TMEM163: variants seen among roughly 807,000 people sequenced by gnomAD.
The protein encoded by TMEM163 is transmembrane protein 163.
A neutral mutation model predicts 29.3 loss-of-function variants in TMEM163; 17 were observed. The observed-to-expected ratio is 0.58, with a 90% confidence interval of 0.40 to 0.87. The LOEUF (loss-of-function observed/expected upper bound fraction) is 0.87, where lower values mean the gene tolerates loss of function less well. Ranked by LOEUF, TMEM163 falls within the 40% of genes least tolerant of loss-of-function variation. The probability of loss-of-function intolerance (pLI) is 0.00; values close to 1 mark genes in which losing one functional copy is unlikely to be tolerated. For missense variants in TMEM163, 303 were observed against 381.5 expected, an observed-to-expected ratio of 0.79 and a Z score of 1.71; for synonymous variants, 157 against 160.6, an observed-to-expected ratio of 0.98 and a Z score of 0.17.
intron 4 of TMEM163, among the ~76,000 whole-genome samples, chr2:134,512,648 C>T (rs1213469227): frequency 6.6e-6 from 1 of 152,134 alleles, no homozygotes; most frequent in Non-Finnish European, 1.5e-5. Context: ...TGGGGGCAAG[C>T]CATGCAGGTA....
chr2:134,628,352 T>G (rs1682896047), intron 2 of TMEM163, among the ~76,000 whole-genome samples: 2 of 152,242 alleles, frequency 1.3e-5, no homozygotes, highest in Admixed American at 1.3e-4. Flanking sequence ...AGGCCTCCTT[T>G]CAAGGCTGGC....
intron 5 of TMEM163, among the ~76,000 whole-genome samples, chr2:134,486,343 T>C (rs997758161): frequency 6.6e-6 from 1 of 151,988 alleles, no homozygotes; most frequent in Non-Finnish European, 1.5e-5. Context: ...AGAGCTTAGA[T>C]CTAGAAAGCA....
chr2:134,564,133 A>G (rs1288426211), intron 2 of TMEM163, among the ~76,000 whole-genome samples: 1 of 152,248 alleles, frequency 6.6e-6, no homozygotes, highest in African/African-American at 2.4e-5. Flanking sequence ...CCTGGAAGAC[A>G]GTCACTACCA....
chr2:134,559,402 C>A (rs1343379242), intron 2 of TMEM163, among the ~76,000 whole-genome samples: 1 of 152,232 alleles, frequency 6.6e-6, no homozygotes, highest in Non-Finnish European at 1.5e-5. Flanking sequence ...ACTGGAAGGT[C>A]TGGCTCTCAG....
At chr2:134,683,644 T>C (rs988117059) in intron 2 of TMEM163, among the ~76,000 whole-genome samples, 1 of 152,230 alleles carries the variant, frequency 6.6e-6, no homozygotes, top group Non-Finnish European at 1.5e-5. Flanking sequence ...CTGGGCATGC[T>C]GAATGACAGG....
intron 5 of TMEM163, among the ~76,000 whole-genome samples, chr2:134,489,558 A>T (rs1679384027): frequency 6.6e-6 from 1 of 151,116 alleles, no homozygotes. Context: ...GCCTGGCAAC[A>T]GAGCAAGACT....
intron 2 of TMEM163, among the ~76,000 whole-genome samples, chr2:134,610,164 T>A (rs1477618913): frequency 6.6e-6 from 1 of 152,146 alleles, no homozygotes; most frequent in African/African-American, 2.4e-5. Context: ...GAGATGGCCG[T>A]AAACACTGGT....
At chr2:134,466,908 C>G (rs1281855339) in intron 5 of TMEM163, 1 of 152,232 alleles carries the variant, frequency 6.6e-6, no homozygotes, top group Non-Finnish European at 1.5e-5. Flanking sequence ...CCATCCAGCT[C>G]TTCTGCTTCA....
At chr2:134,481,762 G>A (rs561276203) in intron 5 of TMEM163, among the ~76,000 whole-genome samples, 1 of 152,022 alleles carries the variant, frequency 6.6e-6, no homozygotes, top group African/African-American at 2.4e-5. Flanking sequence ...CTCCCTTCAT[G>A]ACATCTACAC....
In TMEM163 at chr2:134,576,481, A is replaced by C. The variant is rs1269588268; in HGVS notation, c.323-24390T>G. On this transcript the variant is annotated intron_variant, in intron 2 of 7. Transcript: ENST00000281924. ...CCTAACATAAAAGGGCCACCCATTA[A>C]GTGGCAATAAGAATTTTAACCTTGA... Among the ~76,000 whole-genome samples the C allele has an allele frequency of 1.3e-5, 2 of 152,230 alleles. 1 individual carries two copies. The highest frequency in any genetic ancestry group is 3.8e-4 in the East Asian group (2 of 5,204).
chr2:134,565,519 T>C (rs774044517), intron 2 of TMEM163, among the ~76,000 whole-genome samples: 1 of 151,202 alleles, frequency 6.6e-6, no homozygotes, highest in Non-Finnish European at 1.5e-5. Context: ...GGCAGGAGAA[T>C]CACTTCAACC....
In TMEM163 at chr2:134,460,910, G is replaced by A. The variant is rs1686520157; in HGVS notation, c.668-2737C>T. Among the ~76,000 whole-genome samples the A allele has an allele frequency of 6.6e-6, 1 of 152,230 alleles. No homozygotes were observed. The highest frequency in any genetic ancestry group is 2.4e-5 in the African/African-American group (1 of 41,466). ...GCTCGGCTCACCTTTTGTGATGACA[G>A]AGCCTGACTCATTTCAGCTTCACTT... is the stretch of plus-strand genomic sequence containing the variant. On this transcript the variant is annotated intron_variant, in intron 6 of 7. Transcript: ENST00000281924. The surrounding 1 kb of genome is among the most constrained non-coding windows in gnomAD (Gnocchi z 4.3).
chr2:134,707,828 C>A (rs987471032), intron 2 of TMEM163, among the ~76,000 whole-genome samples: 1 of 150,824 alleles, frequency 6.6e-6, no homozygotes, highest in Non-Finnish European at 1.5e-5. Flanking sequence ...AGGACATGGG[C>A]TCCAGTCCTG....
intron 5 of TMEM163, among the ~76,000 whole-genome samples, chr2:134,470,698 CAG>C (rs1190023827): frequency 6.6e-6 from 1 of 152,184 alleles, no homozygotes; most frequent in African/African-American, 2.4e-5. Flanking sequence ...CAGGCTGGCA[CAG>C]ACCTGCCAAA....
chr2:134,659,849 G>A (rs1683709006), intron 2 of TMEM163, among the ~76,000 whole-genome samples: 1 of 151,892 alleles, frequency 6.6e-6, no homozygotes, highest in African/African-American at 2.4e-5. Context: ...AAGAGGGAGG[G>A]TCCCTTGAGC....
chr2:134,612,542 AACACACAC>A (rs3039625), intron 2 of TMEM163, among the ~76,000 whole-genome samples: 96 of 140,656 alleles, frequency 6.8e-4, no homozygotes, highest in African/African-American at 2.4e-3. Flanking sequence ...GGTTTGCCCC[AACACACAC>A]ACACACACAC....
At chr2:134,645,124 A>G (rs1264777780) in intron 2 of TMEM163, among the ~76,000 whole-genome samples, 1 of 152,230 alleles carries the variant, frequency 6.6e-6, no homozygotes, top group Non-Finnish European at 1.5e-5. Context: ...AAATGCTTAC[A>G]AGAATATAGA....
intron 2 of TMEM163, among the ~76,000 whole-genome samples, chr2:134,630,386 C>T (rs890405034): frequency 1.3e-5 from 2 of 151,898 alleles, no homozygotes; most frequent in Non-Finnish European, 2.9e-5. Flanking sequence ...AAATAATACT[C>T]CTTTTATTTC....
intron 5 of TMEM163, among the ~76,000 whole-genome samples, chr2:134,497,019 T>C (rs1679580901): frequency 6.6e-6 from 1 of 152,158 alleles, no homozygotes; most frequent in African/African-American, 2.4e-5. Context: ...CCTTCAGATG[T>C]CGCATGGAGT....
Sources: allele counts gnomAD v4.1 joint callset (sites outside exome capture counted in the v4.1 genomes callset), GRCh38; gene constraint gnomAD v4.1.1; non-coding constraint Gnocchi (gnomAD v3.1); transcripts MANE v1.5; gene names NCBI Gene and HGNC (gene_info 2026-07-23, HGNC 2026-07-21).